The following ADGRG2 variants were observed in gnomAD, a reference collection of about 807,000 sequenced individuals.
ADGRG2 encodes adhesion G protein-coupled receptor G2.
Under a neutral mutation model 74.1 loss-of-function variants are expected in ADGRG2, and 26 were observed. That is an observed-to-expected ratio of 0.35 (90% CI 0.26 to 0.49). The LOEUF is 0.49. Ranked by LOEUF, ADGRG2 falls within the 20% of genes least tolerant of loss-of-function variation. The pLI is 0.99. For synonymous variants in ADGRG2, 296 were observed against 295.2 expected (o/e 1.00, Z -0.03); for missense variants, 619 against 763.1 (o/e 0.81, Z 2.22).
chrX:19,013,021 C>G (rs1479737190), intron 16 of ADGRG2, among the ~76,000 whole-genome samples: 1 of 111,344 alleles, frequency 9.0e-6, no homozygotes, highest in Non-Finnish European at 1.9e-5. Flanking sequence ...TGATTTTGAT[C>G]CTCGCATAGA....
At chrX:19,077,917 C>A (rs1008594019) in intron 2 of ADGRG2, among the ~76,000 whole-genome samples, 4 of 111,818 alleles carry the variant, frequency 3.6e-5, no homozygotes, top group Non-Finnish European at 7.5e-5. Context: ...AGAACAAATC[C>A]ACAATCATAA....
intron 15 of ADGRG2, among the ~76,000 whole-genome samples, chrX:19,015,277 A>AG (rs757768915): frequency 8.9e-6 from 1 of 112,398 alleles, no homozygotes; most frequent in African/African-American, 3.2e-5. Context: ...TATTAGGTCA[A>AG]GGGGCCTAAA....
intron 1 of ADGRG2, among the ~76,000 whole-genome samples, chrX:19,117,629 C>T (rs2062544874): frequency 1.8e-5 from 2 of 110,507 alleles, no homozygotes; most frequent in Non-Finnish European, 3.8e-5. Context: ...CCAGCCTGGC[C>T]AATATGGCAA....
chrX:19,075,613 G>T (rs887944500), intron 2 of ADGRG2, among the ~76,000 whole-genome samples: 2 of 60,493 alleles, frequency 3.3e-5, no homozygotes, highest in Non-Finnish European at 5.4e-5. Flanking sequence ...GCAAGACTTC[G>T]CCTCAAAAAA....
At chrX:19,064,380 C>T (rs746475553) in intron 3 of ADGRG2, among the ~76,000 whole-genome samples, 1 of 112,701 alleles carries the variant, frequency 8.9e-6, no homozygotes, top group South Asian at 3.7e-4. Context: ...TCACGGCCCT[C>T]CAACTGCAGT....
chrX:19,078,513 C>T (rs967069350), intron 2 of ADGRG2, among the ~76,000 whole-genome samples: 1 of 110,466 alleles, frequency 9.1e-6, no homozygotes. Flanking sequence ...ACCATGATCA[C>T]GCCAATGCAC....
At chrX:19,074,077 A>G (rs2061694927) in intron 2 of ADGRG2, among the ~76,000 whole-genome samples, 1 of 111,261 alleles carries the variant, frequency 9.0e-6, no homozygotes, top group Admixed American at 9.6e-5. Context: ...TTAAATTTCT[A>G]TTTGAACACT....
intron 3 of ADGRG2, among the ~76,000 whole-genome samples, chrX:19,040,672 T>C (rs2146750544): frequency 8.9e-6 from 1 of 112,243 alleles, no homozygotes; most frequent in East Asian, 2.8e-4. Flanking sequence ...ACGTTATATC[T>C]ATTAAGCCAT....
intron 1 of ADGRG2, among the ~76,000 whole-genome samples, chrX:19,103,432 G>C (rs940871665): frequency 9.0e-6 from 1 of 111,600 alleles, no homozygotes; most frequent in African/African-American, 3.3e-5. Context: ...ATTCTCAGTC[G>C]AGCAGCCCAT....
intron 3 of ADGRG2, among the ~76,000 whole-genome samples, chrX:19,050,775 AT>A (rs760119113): frequency 1.4e-3 from 162 of 111,756 alleles, no homozygotes; most frequent in African/African-American, 5.1e-3. Context: ...ACCCCTGATC[AT>A]TTCAACCTGG....
chrX:19,052,991 G>T (rs909649588), intron 3 of ADGRG2, among the ~76,000 whole-genome samples: 2 of 111,540 alleles, frequency 1.8e-5, no homozygotes, highest in Non-Finnish European at 3.8e-5. Context: ...CACTGCACCC[G>T]GCCTCATCTT....
chrX:19,112,072 T>G (rs936329611), intron 1 of ADGRG2, among the ~76,000 whole-genome samples: 2 of 108,941 alleles, frequency 1.8e-5, no homozygotes, highest in African/African-American at 6.7e-5. Context: ...GAATTATTAT[T>G]ATTATTATTA....
Position 19,068,907 on chromosome X carries a change from A to G in ADGRG2, c.-1-72T>C, listed in dbSNP as rs140213450. 7.6e-3 allele frequency: 3,716 copies of G among 486,477 alleles called. 113 individuals are homozygous for G. The African/African-American group carries it at 0.079, about 10-fold the overall frequency. 40.1% of individuals were successfully genotyped at this position (486,477 alleles called of 1,213,427 possible). On this transcript the variant is annotated intron_variant, in intron 2 of 28. Transcript: ENST00000379869. The stretch of plus-strand genomic sequence containing the variant: ...ACAACACAGCAATACCTCAAAGGTC[A>G]TTCCTCAACCAAGGCAACCTGTGAT...
At chrX:19,028,865 G>A (rs955787040) in intron 9 of ADGRG2, among the ~76,000 whole-genome samples, 1 of 111,964 alleles carries the variant, frequency 8.9e-6, no homozygotes. Context: ...TTTGGTGATT[G>A]AGCAGGTAGT....
At chrX:19,056,940 C>T (rs1168596302) in intron 3 of ADGRG2, among the ~76,000 whole-genome samples, 1 of 111,510 alleles carries the variant, frequency 9.0e-6, no homozygotes, top group Non-Finnish European at 1.9e-5. Context: ...AAGTTTCTAA[C>T]ATTCCTCTGC....
In ADGRG2 at chrX:19,027,679, T is replaced by C. The variant is rs141021061; in HGVS notation, c.415-405A>G. Among the ~76,000 whole-genome samples the C allele has an allele frequency of 7.9e-3, 883 of 112,231 alleles. 8 individuals are homozygous for C. Among genetic ancestry groups the C allele is most frequent in the African/African-American group, 0.027 (842 of 30,918 alleles). Reference sequence around the variant, plus strand: ...AAAAAGGAAAACTTGATAGCAGCCATTGCTGTATTTCTAGCAATGAGCTCA... The same window carrying C: ...AAAAAGGAAAACTTGATAGCAGCCACTGCTGTATTTCTAGCAATGAGCTCA... On this transcript the variant is annotated intron_variant, in intron 10 of 28. Transcript: ENST00000379869.
At chrX:19,103,724 C>T (rs2062230106) in intron 1 of ADGRG2, among the ~76,000 whole-genome samples, 2 of 111,320 alleles carry the variant, frequency 1.8e-5, no homozygotes. Context: ...AATTAGGACC[C>T]CCAAGATGCC....
At position 19,009,731 on chromosome X, in the gene ADGRG2, C is replaced by T. The variant is rs777813077; in HGVS notation, c.1317G>A (p.Thr439=). The stretch of plus-strand genomic sequence containing the variant: ...AAGAAGGGGAGGTTAGACTTATAGT[C>T]GTGTTTGAAAAGTTCAGCTGTAGGC... ...DIGLQLNFSN[T]TISLTSPSLA... The change falls in exon 18 of 29, where the codon ACG becomes ACA. Residue 439 remains threonine (T), a synonymous_variant. Coordinates refer to ENST00000379869, the MANE Select transcript of ADGRG2 (RefSeq NM_001079858.3). 19 of 1,202,143 alleles carry T rather than the reference C, an allele frequency of 1.6e-5. No homozygotes were observed. The highest frequency in any genetic ancestry group is 5.2e-5 in the African/African-American group (3 of 57,163).
intron 3 of ADGRG2, among the ~76,000 whole-genome samples, chrX:19,051,260 G>A (rs1196926700): frequency 9.0e-6 from 1 of 110,861 alleles, no homozygotes; most frequent in Non-Finnish European, 1.9e-5. Flanking sequence ...ATTTTTAGTA[G>A]AGACAGGGTT....
Sources: allele counts gnomAD v4.1 joint callset (sites outside exome capture counted in the v4.1 genomes callset), GRCh38; gene constraint gnomAD v4.1.1; transcripts MANE v1.5; gene names NCBI Gene and HGNC (gene_info 2026-07-23, HGNC 2026-07-21).